Variants in ABCC8 observed in about 807,000 individuals in gnomAD.
The protein encoded by ABCC8 is ATP-binding cassette sub-family C member 8.
A neutral mutation model predicts 188.0 loss-of-function variants in ABCC8; 137 were observed. The observed-to-expected ratio is 0.73, with a 90% CI of 0.63 to 0.84. The LOEUF (loss-of-function observed/expected upper bound fraction) is 0.84. Among genes scored for constraint, ABCC8 ranks in the 40% least tolerant of loss-of-function variants. The probability of loss-of-function intolerance (pLI) is 0.00; values close to 1 mark genes in which losing one functional copy is unlikely to be tolerated. For synonymous variants in ABCC8, 797 were observed against 846.5 expected, an observed-to-expected ratio of 0.94 and a Z score of 1.01; for missense variants, 1,750 against 2,072.7, an observed-to-expected ratio of 0.84 and a Z score of 3.02.
intron 10 of ABCC8, among the ~76,000 whole-genome samples, chr11:17,440,278 G>A (rs181562457): frequency 4.6e-5 from 7 of 152,256 alleles, no homozygotes; most frequent in Admixed American, 2.6e-4. Context: ...CTCCCACCTC[G>A]GCAGCTGTTC....
rs58524307 is a variant in ABCC8, at chr11:17,423,356, C to CAAAAAAAAA, written c.2222+3684_2222+3692dup. Among the ~76,000 whole-genome samples the CAAAAAAAAA allele has an allele frequency of 3.8e-4, 24 of 63,300 alleles. 3 individuals are homozygous for CAAAAAAAAA. The highest frequency in any genetic ancestry group is 5.6e-4 in the East Asian group (1 of 1,796). The allele number at this position is 63,300 out of a possible 152,430, so 41.5% of individuals were successfully genotyped here. ...TGGGCAACAGGGCGAGACTCCGTCT[C>CAAAAAAAAA]AAAAAAAAAAAAAAAAAAAAAAAGC... On this transcript the variant is annotated intron_variant, in intron 16 of 38. Transcript: ENST00000389817.
chr11:17,401,024 G>A (rs973842175), intron 29 of ABCC8, among the ~76,000 whole-genome samples: 1 of 152,180 alleles, frequency 6.6e-6, no homozygotes, highest in African/African-American at 2.4e-5. Context: ...GACCTCACTG[G>A]GTAGCAGTGG....
At chr11:17,407,724 C>T (rs924476550) in intron 23 of ABCC8, among the ~76,000 whole-genome samples, 2 of 152,198 alleles carry the variant, frequency 1.3e-5, no homozygotes, top group African/African-American at 4.8e-5. Context: ...CAAAGTGGCA[C>T]GTGACCCAGG....
At chr11:17,439,158 A>G (rs55917084) in intron 10 of ABCC8, among the ~76,000 whole-genome samples, 4,705 of 151,148 alleles carry the variant, frequency 0.031, 105 homozygotes, top group South Asian at 0.075. Context: ...TTATATTTCT[A>G]TTTTTACTCA....
intron 16 of ABCC8, among the ~76,000 whole-genome samples, chr11:17,425,833 C>T (rs1955556025): frequency 6.6e-6 from 1 of 151,292 alleles, no homozygotes; most frequent in Admixed American, 6.6e-5. Context: ...TATCCCTCCC[C>T]TTGCCCCCCA....
chr11:17,418,014 C>T (rs1955166266), intron 16 of ABCC8, among the ~76,000 whole-genome samples: 1 of 152,138 alleles, frequency 6.6e-6, no homozygotes, highest in Admixed American at 6.5e-5. Context: ...GCTTTGGCCT[C>T]CTAAAGTGCT....
In ABCC8 at chr11:17,430,842, C is replaced by T. The variant is rs1325394062; in HGVS notation, c.1789G>A (p.Val597Ile). The T allele has an allele frequency of 3.1e-6, 5 of 1,614,192 alleles. No individual in the cohort carries two copies. In the South Asian group the frequency reaches 4.4e-5, roughly 14 times the overall value. ...VTPLFLLSSV[V>I]RSTVKALVSV... ...ACTAGAGCTTTGACGGTAGATCGGA[C>T]CACACTGGACAGCAGGAACAGCGGT... The change falls in exon 12 of 39, where the codon GTC becomes ATC. Residue 597 changes from valine (V) to isoleucine (I), a missense_variant. Transcript: ENST00000389817.
At chr11:17,463,730 G>A in intron 3 of ABCC8, 126 bp from the exon 4 acceptor site, 1 of 1,222,084 alleles carries the variant, frequency 8.2e-7, no homozygotes, top group Non-Finnish European at 1.1e-6. Flanking sequence ...ACATTTCCGA[G>A]TAAGTGGATG....
intron 7 of ABCC8, among the ~76,000 whole-genome samples, chr11:17,450,275 TTTCTTTCTTTCTTTCTTTC>T (rs1956724964): frequency 7.7e-6 from 1 of 130,502 alleles, no homozygotes; most frequent in Non-Finnish European, 1.6e-5. Context: ...TCTTTCTTTC[TTTCTTTCTTTCTTTCTTTC>T]TTTCTTTCTT....
At chr11:17,397,445 C>A in intron 31 of ABCC8, 132 bp from the exon 32 acceptor site, 1 of 1,527,490 alleles carries the variant, frequency 6.5e-7, no homozygotes, top group Non-Finnish European at 8.8e-7. Context: ...ACTGCCTGCT[C>A]AGAGCAGCCC....
At position 17,395,675 on chromosome 11, in the gene ABCC8, C is replaced by T. The variant is rs912367763; in HGVS notation, c.4242G>A (p.Leu1414=). The T allele has an allele frequency of 4.5e-6, 7 of 1,560,478 alleles. No individual in the cohort carries two copies. The African/African-American group carries it at 6.8e-5, about 15-fold the overall frequency. The stretch of plus-strand genomic sequence containing the variant: ...TGGAGAGGCGTGAGCGCAGGGTGTG[C>T]AGCGGCAGTTTGGCGATGTCAATGC... ...IDGIDIAKLP[L]HTLRSRLSII... is the part of the protein sequence containing the mutation. The change falls in exon 35 of 39, where the codon CTG becomes CTA. Residue 1414 remains leucine, a synonymous_variant. Coordinates refer to ENST00000389817, the MANE Select transcript of ABCC8 (RefSeq NM_000352.6).
chr11:17,433,435 C>T (rs948191567), intron 10 of ABCC8, among the ~76,000 whole-genome samples: 4 of 152,214 alleles, frequency 2.6e-5, no homozygotes, highest in Non-Finnish European at 5.9e-5. Context: ...TGGTCAATAC[C>T]AGTCCAAGAA....
intron 10 of ABCC8, among the ~76,000 whole-genome samples, chr11:17,441,467 C>T (rs1398136324): frequency 1.3e-5 from 2 of 152,222 alleles, no homozygotes; most frequent in Non-Finnish European, 2.9e-5. Context: ...CAGCTATACT[C>T]ATTCATGTAA....
At chr11:17,463,386 G>T in intron 4 of ABCC8, 52 bp downstream of exon 4, 1 of 1,472,364 alleles carries the variant, frequency 6.8e-7, no homozygotes, top group Non-Finnish European at 9.3e-7. Flanking sequence ...GGGCAGGACA[G>T]AGGCCAGAGC....
At chr11:17,454,024 T>G (rs1308399667) in intron 6 of ABCC8, among the ~76,000 whole-genome samples, 1 of 152,218 alleles carries the variant, frequency 6.6e-6, no homozygotes, top group African/African-American at 2.4e-5. Flanking sequence ...ACTTTGATCT[T>G]GATAAATCCA....
chr11:17,432,350 T>A (rs901770895), intron 10 of ABCC8, 106 bp from the exon 11 acceptor site: 77 of 1,546,970 alleles, frequency 5.0e-5, no homozygotes, highest in Non-Finnish European at 6.0e-5. Flanking sequence ...GGCCAGCCTG[T>A]GGGGCACAGC....
intron 17 of ABCC8, among the ~76,000 whole-genome samples, chr11:17,416,373 C>T (rs1264418474): frequency 6.6e-6 from 1 of 152,098 alleles, no homozygotes; most frequent in African/African-American, 2.4e-5. Flanking sequence ...CTGAGGGACA[C>T]CCATCTCCTT....
chr11:17,402,001 T>C (rs936053746), intron 29 of ABCC8, among the ~76,000 whole-genome samples: 1 of 152,216 alleles, frequency 6.6e-6, no homozygotes, highest in Non-Finnish European at 1.5e-5. Context: ...TTCAGAATAC[T>C]TGTCACGTGG....
At chr11:17,426,224 T>C (rs915195051) in intron 16 of ABCC8, among the ~76,000 whole-genome samples, 3 of 152,180 alleles carry the variant, frequency 2.0e-5, no homozygotes, top group Non-Finnish European at 4.4e-5. Flanking sequence ...CTGGGTCAAA[T>C]GGTATTTCTG....
Sources: gnomAD v4.1 joint callset for allele counts (sites outside exome capture counted in the v4.1 genomes callset) on GRCh38, gnomAD v4.1.1 for gene constraint, MANE v1.5 for transcripts, NCBI Gene and HGNC (gene_info 2026-07-23, HGNC 2026-07-21) for gene names.